The following SEMA3C variants were observed in gnomAD, a reference collection of about 807,000 sequenced individuals.
SEMA3C encodes semaphorin 3C.
SEMA3C carries 47 observed loss-of-function variants against 89.4 expected under a neutral mutation model. That is an observed-to-expected ratio of 0.53 (90% CI 0.42 to 0.67). The LOEUF (loss-of-function observed/expected upper bound fraction) is 0.67. SEMA3C is among the 30% of genes least tolerant of loss of function. The pLI, the probability that SEMA3C is intolerant of heterozygous loss-of-function variation, is 0.00. For missense variants in SEMA3C, 839 were observed against 929.1 expected, an observed-to-expected ratio of 0.90 and a Z score of 1.26; for synonymous variants, 310 against 320.2, an observed-to-expected ratio of 0.97 and a Z score of 0.34.
At chr7:80,901,607 A>T (rs1188110809) in intron 2 of SEMA3C, among the ~76,000 whole-genome samples, 2 of 152,372 alleles carry the variant, frequency 1.3e-5, no homozygotes, top group African/African-American at 2.4e-5. Flanking sequence ...TTAAAGATCA[A>T]TCAGTAAAGT....
At chr7:80,777,449 G>A (rs1464405840) in intron 12 of SEMA3C, among the ~76,000 whole-genome samples, 2 of 152,026 alleles carry the variant, frequency 1.3e-5, no homozygotes, top group Non-Finnish European at 2.9e-5. Flanking sequence ...GTGCCACCAC[G>A]CCTGGCTAAT....
intron 4 of SEMA3C, among the ~76,000 whole-genome samples, chr7:80,823,743 T>A (rs1401843548): frequency 6.6e-6 from 1 of 152,156 alleles, no homozygotes; most frequent in Non-Finnish European, 1.5e-5. Flanking sequence ...ATATATATAA[T>A]CCTACTTAAT....
chr7:80,819,151 T>C (rs538630360), intron 4 of SEMA3C, among the ~76,000 whole-genome samples: 5 of 152,158 alleles, frequency 3.3e-5, no homozygotes, highest in East Asian at 3.9e-4. Flanking sequence ...GCAAATATTA[T>C]TTGGCAATAC....
intron 4 of SEMA3C, among the ~76,000 whole-genome samples, chr7:80,818,804 C>T (rs1405775131): frequency 6.6e-6 from 1 of 152,142 alleles, no homozygotes; most frequent in Non-Finnish European, 1.5e-5. Context: ...CTTTGGGGAA[C>T]TATTAGTATA....
At chr7:80,896,210 AATTC>A (rs1791734056) in intron 2 of SEMA3C, among the ~76,000 whole-genome samples, 1 of 152,178 alleles carries the variant, frequency 6.6e-6, no homozygotes, top group East Asian at 1.9e-4. Context: ...GTAAACATGG[AATTC>A]ATTCATTAAT....
intron 2 of SEMA3C, among the ~76,000 whole-genome samples, chr7:80,853,144 G>A (rs11764824): frequency 0.15 from 22,871 of 152,088 alleles, 2,945 homozygotes; most frequent in African/African-American, 0.35. Context: ...GATGTGGAGA[G>A]GGAATCTTTC....
chr7:80,886,746 G>T (rs374057307), intron 2 of SEMA3C, among the ~76,000 whole-genome samples: 1 of 152,114 alleles, frequency 6.6e-6, no homozygotes, highest in African/African-American at 2.4e-5. Context: ...GATATCTAAG[G>T]AGTTAGTTAA....
At chr7:80,785,497 A>G (rs1788780295) in intron 12 of SEMA3C, among the ~76,000 whole-genome samples, 1 of 152,156 alleles carries the variant, frequency 6.6e-6, no homozygotes, top group African/African-American at 2.4e-5. Context: ...AACACCCAAG[A>G]AATGTTTTCT....
At chr7:80,912,603 T>A (rs989436888) in intron 2 of SEMA3C, among the ~76,000 whole-genome samples, 1 of 152,164 alleles carries the variant, frequency 6.6e-6, no homozygotes, top group Non-Finnish European at 1.5e-5. Flanking sequence ...GAGTTTGGGT[T>A]TACTAAAACA....
chr7:80,911,931 C>T (rs1792161696), intron 2 of SEMA3C, among the ~76,000 whole-genome samples: 1 of 152,108 alleles, frequency 6.6e-6, no homozygotes, highest in African/African-American at 2.4e-5. Flanking sequence ...CCGTGCTCGA[C>T]CACATTTTTT....
At chr7:80,833,677 T>C (rs6467427) in intron 2 of SEMA3C, among the ~76,000 whole-genome samples, 9 of 152,094 alleles carry the variant, frequency 5.9e-5, no homozygotes, top group Admixed American at 1.3e-4. Context: ...GAAGTGCCCT[T>C]GTTGTAAAAA....
At chr7:80,830,048 G>A (rs1053745232) in intron 2 of SEMA3C, among the ~76,000 whole-genome samples, 6 of 152,264 alleles carry the variant, frequency 3.9e-5, no homozygotes, top group African/African-American at 1.4e-4. Flanking sequence ...TATTCCATGA[G>A]TACTTGGGCC....
intron 4 of SEMA3C, among the ~76,000 whole-genome samples, chr7:80,821,769 C>T (rs1487589070): frequency 6.6e-6 from 1 of 152,152 alleles, no homozygotes; most frequent in South Asian, 2.1e-4. Flanking sequence ...ATCAATACTC[C>T]ATTTTAGTGA....
chr7:80,746,748 G>GTGTGTGTGTGTGTGT (rs1173019981), intron 17 of SEMA3C, among the ~76,000 whole-genome samples: 5 of 16,072 alleles, frequency 3.1e-4, no homozygotes, highest in South Asian at 4.4e-3. Context: ...TGTGTGTGTG[G>GTGTGTGTGTGTGTGT]AGGGGAGGAA....
intron 2 of SEMA3C, among the ~76,000 whole-genome samples, chr7:80,884,196 C>T (rs1270846834): frequency 6.6e-6 from 1 of 152,116 alleles, no homozygotes; most frequent in Admixed American, 6.6e-5. Flanking sequence ...AAATCTCATA[C>T]AATCAACTTG....
At chr7:80,762,217 T>C (rs1788201510) in intron 13 of SEMA3C, among the ~76,000 whole-genome samples, 1 of 151,722 alleles carries the variant, frequency 6.6e-6, no homozygotes, top group Non-Finnish European at 1.5e-5. Context: ...TAATTCAGAA[T>C]TGGATCCACG....
In SEMA3C at chr7:80,744,786, CCT is replaced by C; in HGVS notation, c.*106_*107del. 7.8e-7 allele frequency: 1 copy of C among 1,274,234 alleles called. No homozygotes were observed. The highest frequency in any genetic ancestry group is 2.7e-4 in the Middle Eastern group (1 of 3,754). 78.9% of individuals were successfully genotyped at this position (1,274,234 alleles called of 1,614,324 possible). A position where few individuals can be genotyped will look rare whatever the true frequency, so the allele number is the denominator to read the frequency against. On this transcript the variant is annotated 3_prime_UTR_variant, in exon 18 of 18. Transcript: ENST00000265361. ...GTAAAACTCACTTCAGGAGTAATCA[CCT>C]TTTTCAGTAATTCCCCTTGGTAAAG...
chr7:80,872,122 C>T (rs775446709), intron 2 of SEMA3C, among the ~76,000 whole-genome samples: 1 of 151,894 alleles, frequency 6.6e-6, no homozygotes, highest in Non-Finnish European at 1.5e-5. Flanking sequence ...AGAAGAGTGG[C>T]AATATTTTAC....
intron 2 of SEMA3C, among the ~76,000 whole-genome samples, chr7:80,859,122 T>A (rs1167609700): frequency 1.3e-5 from 2 of 151,826 alleles, no homozygotes; most frequent in African/African-American, 4.8e-5. Context: ...AATAAAGTGG[T>A]GAAAACTCAA....
Sources: allele counts gnomAD v4.1 joint callset (sites outside exome capture counted in the v4.1 genomes callset), GRCh38; gene constraint gnomAD v4.1.1; transcripts MANE v1.5; gene names NCBI Gene and HGNC (gene_info 2026-07-23, HGNC 2026-07-21).